NRL: variants seen among roughly 807,000 people sequenced by gnomAD.
NRL encodes neural retina leucine zipper, also known as neural retina-specific leucine zipper protein.
In NRL, 16 loss-of-function variants were observed where a neutral mutation model predicts 12.5. The ratio of observed to expected loss-of-function variants is 1.28; its 90% CI spans 0.87 to 1.95. NRL has a LOEUF of 1.95. Among genes scored for constraint, NRL ranks in the 30% most tolerant of loss-of-function variants. NRL has a pLI of 0.00. For missense variants in NRL, 314 were observed against 325.8 expected, an observed-to-expected ratio of 0.96 and a Z score of 0.28; for synonymous variants, 142 against 150.9, an observed-to-expected ratio of 0.94 and a Z score of 0.43.
At chr14:24,095,279 C>T (rs1233421136) in intron 1 of NRL, 3 of 452,942 alleles carry the variant, frequency 6.6e-6, no homozygotes, top group Non-Finnish European at 8.9e-6. Flanking sequence ...CAAGAGATAA[C>T]GTGAGCCAGG....
At chr14:24,086,629 A>G (rs757159337) in intron 1 of NRL, among the ~76,000 whole-genome samples, 20 of 152,242 alleles carry the variant, frequency 1.3e-4, no homozygotes, top group Admixed American at 3.9e-4. Context: ...CCCTGGTTGA[A>G]GAAGGAATGG....
chr14:24,097,217 A>G, intron 1 of NRL: 1 of 1,293,846 alleles, frequency 7.7e-7, no homozygotes, highest in Non-Finnish European at 1.1e-6. Context: ...CAACTTAACT[A>G]GAACATCCCA....
In NRL at chr14:24,094,944, T is replaced by G; in HGVS notation, c.-27-12069A>C. 9.8e-7 allele frequency: 1 copy of G among 1,016,430 alleles called. No individual in the cohort carries two copies. Among genetic ancestry groups the G allele is most frequent in the Non-Finnish European group, 1.3e-6 (1 of 749,220 alleles). 63.0% of individuals were successfully genotyped at this position (1,016,430 alleles called of 1,614,324 possible). A position where few individuals can be genotyped will look rare whatever the true frequency, so the allele number is the denominator to read the frequency against. ...CTCCCGGACTGGAAGGACTGGAACC[T>G]GGCGGGAAGTCCAGAGCAGCCCGAG... On this transcript the variant is annotated intron_variant, in intron 1 of 2. Coordinates refer to ENST00000561028, the MANE Select transcript of NRL (RefSeq NM_001354768.3). This position sits in a 1 kb window ranked among gnomAD's most constrained non-coding sequence, Gnocchi z 4.1.
chr14:24,104,232 ACAAT>A, intron 1 of NRL: 1 of 472,326 alleles, frequency 2.1e-6, no homozygotes, highest in East Asian at 4.2e-5. Flanking sequence ...ACAGCCTGGC[ACAAT>A]CAAAGATCTG....
Position 24,081,877 on chromosome 14 carries a change from C to G in NRL, c.382-309G>C. 2 of 1,348,972 alleles carry G rather than the reference C, an allele frequency of 1.5e-6. No homozygotes were observed. The highest frequency in any genetic ancestry group is 1.9e-6 in the Non-Finnish European group (2 of 1,045,782). The allele number at this position is 1,348,972 out of a possible 1,614,324, so 83.6% of individuals were successfully genotyped here. A position where few individuals can be genotyped will look rare whatever the true frequency, so the allele number is the denominator to read the frequency against. ...TCTCTGGGATCCCCGGCATCCAGCT[C>G]CAGGCCCGGGTGTGTCCAGTGGACC... On this transcript the variant is annotated intron_variant, in intron 2 of 2. Coordinates refer to ENST00000561028, the MANE Select transcript of NRL (RefSeq NM_001354768.3). The surrounding 1 kb of genome is among the most constrained non-coding windows in gnomAD (Gnocchi z 4.4).
intron 1 of NRL, among the ~76,000 whole-genome samples, chr14:24,096,460 C>T (rs554691577): frequency 5.7e-4 from 86 of 152,180 alleles, no homozygotes; most frequent in African/African-American, 2.0e-3. Context: ...TGGTCTTGAT[C>T]TCCTGACCTC....
chr14:24,098,331 T>C (rs754249413), intron 1 of NRL: 1 of 1,613,940 alleles, frequency 6.2e-7, no homozygotes, highest in Non-Finnish European at 8.5e-7. Flanking sequence ...GGCAACTGGA[T>C]GTCCCCAGCT....
Position 24,099,286 on chromosome 14 carries a change from G to A in NRL, c.-28+15436C>T. 3.3e-6 allele frequency: 5 copies of A among 1,530,794 alleles called. No individual in the cohort carries two copies. In the South Asian group the frequency reaches 4.6e-5, roughly 14 times the overall value. The allele number at this position is 1,530,794 out of a possible 1,614,324, so 94.8% of individuals were successfully genotyped here. On this transcript the variant is annotated intron_variant, in intron 1 of 2. Coordinates refer to ENST00000561028, the MANE Select transcript of NRL (RefSeq NM_001354768.3). ...CAGCTGCCGGGGACAGGGCAGGGGT[G>A]GGGCCTGGCCAGTCTGCCTCAGCCT...
At chr14:24,093,372 G>A (rs2036697712) in intron 1 of NRL, 1 of 152,260 alleles carries the variant, frequency 6.6e-6, no homozygotes, top group African/African-American at 2.4e-5. Context: ...TTTCCTCATT[G>A]GATTGTGGAG....
chr14:24,104,473 C>CAA lies in NRL; in HGVS notation c.-28+10247_-28+10248dup, dbSNP rs59451696. On this transcript the variant is annotated intron_variant, in intron 1 of 2. Coordinates refer to ENST00000561028, the MANE Select transcript of NRL (RefSeq NM_001354768.3). ...TGAAACCCTATCGCTACTAAAAATA[C>CAA]AAAAAAAAAAAAAAAATTAACCGGG... Among the ~76,000 whole-genome samples, 763 of 119,426 alleles carry CAA rather than the reference C, an allele frequency of 6.4e-3. 2 individuals carry two copies. Among genetic ancestry groups the CAA allele is most frequent in the Non-Finnish European group, 0.01 (571 of 54,524 alleles). The allele number at this position is 119,426 out of a possible 152,430, so 78.3% of individuals were successfully genotyped here. A position where few individuals can be genotyped will look rare whatever the true frequency, so the allele number is the denominator to read the frequency against.
chr14:24,094,189 G>A lies in NRL; in HGVS notation c.-27-11314C>T, dbSNP rs1412368936. 1.8e-6 allele frequency: 1 copy of A among 560,732 alleles called. No individual in the cohort carries two copies. Among genetic ancestry groups the A allele is most frequent in the African/African-American group, 2.0e-5 (1 of 49,714 alleles). The allele number at this position is 560,732 out of a possible 1,614,324, so 34.7% of individuals were successfully genotyped here. A position where few individuals can be genotyped will look rare whatever the true frequency, so the allele number is the denominator to read the frequency against. ...GGCGGCTGGGCTGACCTGGAGCCTG[G>A]AGCCCCGGGGCCGAGGGAGCTGGCC... On this transcript the variant is annotated intron_variant, in intron 1 of 2. Transcript: ENST00000561028. This position sits in a 1 kb window ranked among gnomAD's most constrained non-coding sequence, Gnocchi z 4.1.
At chr14:24,098,359 GGAT>G (rs747610455) in intron 1 of NRL, 38 of 1,612,994 alleles carry the variant, frequency 2.4e-5, no homozygotes, top group Non-Finnish European at 3.1e-5. Context: ...AGCGAGCTGT[GGAT>G]GAGAGGTTTC....
chr14:24,095,751 A>G (rs990231772), intron 1 of NRL, among the ~76,000 whole-genome samples: 5 of 152,160 alleles, frequency 3.3e-5, no homozygotes, highest in African/African-American at 1.2e-4. Context: ...GGCCAATCAG[A>G]GCAGACGTTG....
At position 24,081,548 on chromosome 14, in the gene NRL, G is replaced by A. The variant is rs189141423; in HGVS notation, c.402C>T (p.Asp134=). ...GCACAGACATCGAGACCAGCGCCGC[G>A]TCGGAAAACCGCTCTGCCAGCTGCG... The part of the protein sequence containing the change: ...QHVQLAERFS[D]AALVSMSVRE... Residue 134 remains aspartate, a synonymous_variant, in exon 3 of 3, where the codon GAC becomes GAT. Coordinates refer to ENST00000561028, the MANE Select transcript of NRL (RefSeq NM_001354768.3). The surrounding 1 kb of genome is among the most constrained non-coding windows in gnomAD (Gnocchi z 4.4). The A allele has an allele frequency of 1.2e-4, 198 of 1,601,836 alleles. 2 individuals carry two copies. The African/African-American group carries it at 2.1e-3, about 17-fold the overall frequency.
chr14:24,103,065 C>A (rs907225145), intron 1 of NRL: 1 of 1,227,676 alleles, frequency 8.1e-7, no homozygotes, highest in South Asian at 1.2e-5. Context: ...TAGCCGAGGT[C>A]TTAGGAGAGA....
chr14:24,097,265 AC>A, intron 1 of NRL: 1 of 861,778 alleles, frequency 1.2e-6, no homozygotes, highest in Non-Finnish European at 1.8e-6. Context: ...GGGTAAACAG[AC>A]CCAGAAACTG....
At chr14:24,096,863 C>T (rs992061613) in intron 1 of NRL, 1 of 1,598,500 alleles carries the variant, frequency 6.3e-7, no homozygotes, top group Admixed American at 1.7e-5. Flanking sequence ...ATGACAGCAA[C>T]TAGCTCATTG....
chr14:24,082,832 C>T lies in NRL; in HGVS notation c.17G>A (p.Ser6Asn), dbSNP rs1465608437. The T allele has an allele frequency of 6.2e-7, 1 of 1,613,060 alleles. No individual in the cohort carries two copies. Among genetic ancestry groups the T allele is most frequent in the Admixed American group, 1.7e-5 (1 of 59,996 alleles). The change falls in exon 2 of 3, where the codon AGC becomes AAC. Residue 6 changes from serine (S) to asparagine (N), a missense_variant. Ser to Asn is a conservative substitution (Grantham distance 46). Transcript: ENST00000561028. ...ATTGACATATTCCATGGCCAGGGGG[C>T]TGGGGGGCAGGGCCATTCTGGAGCT... MALPP[S>N]PLAMEYVNDF...
At chr14:24,108,953 A>C (rs752036201) in intron 1 of NRL, among the ~76,000 whole-genome samples, 1 of 152,182 alleles carries the variant, frequency 6.6e-6, no homozygotes, top group African/African-American at 2.4e-5. Context: ...TAGAGAATGA[A>C]AACACTCCTT....
Sources: gnomAD v4.1 joint callset for allele counts (sites outside exome capture counted in the v4.1 genomes callset) on GRCh38, gnomAD v4.1.1 for gene constraint, Gnocchi (gnomAD v3.1) non-coding constraint, MANE v1.5 for transcripts, NCBI Gene and HGNC (gene_info 2026-07-23, HGNC 2026-07-21) for gene names.